Variants in POLR3B observed in about 807,000 individuals in gnomAD.
POLR3B encodes DNA-directed RNA polymerase III subunit RPC2.
POLR3B carries 96 observed loss-of-function variants against 147.4 expected under a neutral mutation model. The observed-to-expected ratio is 0.65, with a 90% confidence interval of 0.55 to 0.77. The LOEUF (loss-of-function observed/expected upper bound fraction) is 0.77. Ranked by LOEUF, POLR3B falls within the 30% of genes least tolerant of loss-of-function variation. The pLI is 0.00. For synonymous variants in POLR3B, 461 were observed against 485.9 expected (o/e 0.95, Z 0.67); for missense variants, 1,036 against 1,413.5 (o/e 0.73, Z 4.28).
In POLR3B at chr12:106,437,131, G is replaced by A; in HGVS notation, c.1856G>A (p.Arg619Lys). 2 of 1,608,440 alleles carry A rather than the reference G, an allele frequency of 1.2e-6. No homozygotes were observed. Among genetic ancestry groups the A allele is most frequent in the South Asian group, 2.2e-5 (2 of 90,754 alleles). ...KHMEELAQGY[R>K]NFEDFLHESL... Reference sequence around the variant, plus strand: ...ATGGAAGAGCTGGCCCAAGGGTACAGGTAAGTAGCCAAAAGTAAAACTTAC... The same window carrying A: ...ATGGAAGAGCTGGCCCAAGGGTACAAGTAAGTAGCCAAAAGTAAAACTTAC... Residue 619 changes from arginine (R) to lysine (K), a missense_variant and splice_region_variant, in exon 17 of 28, where the codon AGG becomes AAG. Physicochemically the swap from Arg to Lys is conservative, Grantham distance 26. Transcript: ENST00000228347.
intron 7 of POLR3B, 113 bp downstream of exon 7, chr12:106,376,563 A>G: frequency 1.3e-6 from 1 of 778,838 alleles, no homozygotes; most frequent in Non-Finnish European, 2.2e-6. Context: ...TTTATAATGA[A>G]CTTGTTCACA....
chr12:106,444,384 C>T, intron 18 of POLR3B, 79 bp from the exon 19 acceptor site: 2 of 1,430,418 alleles, frequency 1.4e-6, no homozygotes. Context: ...ACCTAGATAA[C>T]AATATTTTTG....
At chr12:106,429,418 C>T (rs2037479050) in intron 13 of POLR3B, among the ~76,000 whole-genome samples, 1 of 152,128 alleles carries the variant, frequency 6.6e-6, no homozygotes, top group Non-Finnish European at 1.5e-5. Context: ...GAATTATAGG[C>T]GTGAGCCAAC....
rs149266125 is a variant in POLR3B at position 106,368,164 on chromosome 12, A to G, written c.228-1111A>G. On this transcript the variant is annotated intron_variant, in intron 4 of 27. Coordinates refer to ENST00000228347, the MANE Select transcript of POLR3B (RefSeq NM_018082.6). ...TCTGGTGTCCTTTCAAGATGCCACCATTATTTTTTGAGCACTCCTTTGCTT... is the reference window on the plus strand; with the variant it reads ...TCTGGTGTCCTTTCAAGATGCCACCGTTATTTTTTGAGCACTCCTTTGCTT... 1.1e-3 allele frequency among the ~76,000 whole-genome samples: 168 copies of G among 150,912 alleles called. 2 individuals are homozygous for G. The highest frequency in any genetic ancestry group is 4.0e-3 in the African/African-American group (163 of 41,056).
intron 12 of POLR3B, among the ~76,000 whole-genome samples, chr12:106,413,884 T>A (rs914716445): frequency 2.0e-5 from 3 of 152,122 alleles, no homozygotes; most frequent in African/African-American, 7.2e-5. Context: ...GAGTTTTTTG[T>A]TGTTTACTTT....
chr12:106,369,449 G>C (rs957780642), intron 5 of POLR3B, 99 bp downstream of exon 5: 2 of 956,744 alleles, frequency 2.1e-6, no homozygotes, highest in South Asian at 2.6e-5. Flanking sequence ...GGGATGGGGG[G>C]GGACATTCTT....
chr12:106,424,632 C>G (rs1007837345), intron 12 of POLR3B, among the ~76,000 whole-genome samples: 1 of 151,804 alleles, frequency 6.6e-6, no homozygotes, highest in Admixed American at 6.6e-5. Context: ...TTTTTTTAAG[C>G]CTGTTTGCAG....
Position 106,430,314 on chromosome 12 carries a change from T to A in POLR3B, c.1305T>A (p.Gly435=), listed in dbSNP as rs1324211913. 1.9e-6 allele frequency: 3 copies of A among 1,614,030 alleles called. No homozygotes were observed. The highest frequency in any genetic ancestry group is 1.3e-5 in the African/African-American group (1 of 75,026). ...SLKRFKMDRQ[G]VTQVLSRLSY... ...AGAGATTTAAAATGGACCGCCAGGG[T>A]GTAACCCAAGTGCTGTCTCGCTTGT... The change falls in exon 14 of 28, where the codon GGT becomes GGA. Residue 435 remains glycine (G), a synonymous_variant. Transcript: ENST00000228347.
intron 16 of POLR3B, 129 bp from the exon 17 acceptor site, chr12:106,436,928 T>C (rs980489069): frequency 1.4e-6 from 1 of 736,976 alleles, no homozygotes; most frequent in Non-Finnish European, 2.4e-6. Context: ...AATTACCTGG[T>C]GTCCTCAGCA....
At chr12:106,461,599 T>A (rs1017772084) in intron 22 of POLR3B, among the ~76,000 whole-genome samples, 14 of 152,196 alleles carry the variant, frequency 9.2e-5, no homozygotes, top group Admixed American at 2.6e-4. Flanking sequence ...ACTGGGACTT[T>A]GTTTCTTTTT....
At chr12:106,426,458 C>T (rs1037394381) in intron 12 of POLR3B, among the ~76,000 whole-genome samples, 1 of 151,700 alleles carries the variant, frequency 6.6e-6, no homozygotes, top group African/African-American at 2.4e-5. Context: ...ACCATCTTGG[C>T]CAGGCTGGTC....
chr12:106,406,917 A>G (rs375423069), intron 11 of POLR3B, among the ~76,000 whole-genome samples: 7 of 152,184 alleles, frequency 4.6e-5, no homozygotes, highest in African/African-American at 7.2e-5. Context: ...ATCTTTTTCA[A>G]GGGTTGCAAA....
intron 12 of POLR3B, among the ~76,000 whole-genome samples, chr12:106,423,979 C>T (rs953394055): frequency 2.6e-5 from 4 of 151,972 alleles, no homozygotes; most frequent in African/African-American, 9.7e-5. Flanking sequence ...ACCTCAGCCT[C>T]CTGAGTAGCT....
intron 19 of POLR3B, among the ~76,000 whole-genome samples, chr12:106,451,688 T>C (rs1370403864): frequency 6.6e-6 from 1 of 150,720 alleles, no homozygotes; most frequent in Admixed American, 6.6e-5. Context: ...CAAAGGAAGA[T>C]AGGAAAAAAT....
At chr12:106,479,812 T>G (rs1325599905) in intron 23 of POLR3B, among the ~76,000 whole-genome samples, 7 of 149,902 alleles carry the variant, frequency 4.7e-5, no homozygotes, top group African/African-American at 1.7e-4. Context: ...TTCTTTTCTT[T>G]TCTTTTCTTT....
At chr12:106,408,934 A>C (rs2037184692) in intron 11 of POLR3B, among the ~76,000 whole-genome samples, 1 of 152,168 alleles carries the variant, frequency 6.6e-6, no homozygotes, top group East Asian at 1.9e-4. Flanking sequence ...TTCAATCCCA[A>C]GGGGGTGATG....
At chr12:106,482,588 G>A (rs1345191043) in intron 23 of POLR3B, among the ~76,000 whole-genome samples, 3 of 152,074 alleles carry the variant, frequency 2.0e-5, no homozygotes, top group Non-Finnish European at 4.4e-5. Flanking sequence ...CAGCGAGGGG[G>A]GAATCCACCT....
Position 106,427,338 on chromosome 12 carries a change from A to T in POLR3B, c.1243A>T (p.Met415Leu). ...HMRQDQITNG[M>L]VNAISTGNWS... ...GCGCCAAGACCAGATCACCAATGGCATGGTGAATGCTATTTCTACCGTAAG... is the reference window on the plus strand; with the variant it reads ...GCGCCAAGACCAGATCACCAATGGCTTGGTGAATGCTATTTCTACCGTAAG... The change falls in exon 13 of 28, where the codon ATG (methionine) becomes TTG (leucine). Residue 415 changes from methionine to leucine, a missense_variant. Met to Leu is a conservative substitution (Grantham distance 15). Transcript: ENST00000228347. The T allele has an allele frequency of 6.2e-7, 1 of 1,613,378 alleles. No homozygotes were observed. The highest frequency in any genetic ancestry group is 1.3e-5 in the African/African-American group (1 of 75,036).
At chr12:106,376,313 A>T in intron 6 of POLR3B, 46 bp from the exon 7 acceptor site, 1 of 1,334,536 alleles carries the variant, frequency 7.5e-7, no homozygotes. Flanking sequence ...AGCTTTTATC[A>T]TTGACAGCCT....
Sources: gnomAD v4.1 joint callset for allele counts (sites outside exome capture counted in the v4.1 genomes callset) on GRCh38, gnomAD v4.1.1 for gene constraint, MANE v1.5 for transcripts, NCBI Gene and HGNC (gene_info 2026-07-23, HGNC 2026-07-21) for gene names.